Variants in CD59 observed in about 807,000 individuals in gnomAD.
CD59 encodes CD59 glycoprotein.
CD59 carries 3 observed loss-of-function variants against 7.0 expected under a neutral mutation model. The ratio of observed to expected loss-of-function variants is 0.43; its 90% CI spans 0.19 to 1.10. The LOEUF (loss-of-function observed/expected upper bound fraction) is 1.10, where lower values mean the gene tolerates loss of function less well. Ranked by LOEUF, CD59 falls within the 50% of genes least tolerant of loss-of-function variation. The pLI is 0.29. For missense variants in CD59, 143 were observed against 151.0 expected (o/e 0.95, Z 0.28); for synonymous variants, 60 against 62.0 (o/e 0.97, Z 0.15).
chr11:33,719,172 G>A (rs1853936990), intron 2 of CD59: 1 of 152,224 alleles, frequency 6.6e-6, no homozygotes, highest in Non-Finnish European at 1.5e-5. Flanking sequence ...GAAGCAAGGT[G>A]GGTCCTCACT....
chr11:33,732,240 T>G (rs1232596746), intron 1 of CD59, among the ~76,000 whole-genome samples: 1 of 151,962 alleles, frequency 6.6e-6, no homozygotes, highest in Non-Finnish European at 1.5e-5. Context: ...TGTTGAATTT[T>G]AATCCCCAGT....
At chr11:33,728,975 C>T (rs1370613370) in intron 1 of CD59, among the ~76,000 whole-genome samples, 1 of 152,222 alleles carries the variant, frequency 6.6e-6, no homozygotes, top group Non-Finnish European at 1.5e-5. Context: ...GATACCATCT[C>T]ACACCAGTTA....
At chr11:33,732,755 T>C (rs962285109) in intron 1 of CD59, among the ~76,000 whole-genome samples, 1 of 152,168 alleles carries the variant, frequency 6.6e-6, no homozygotes, top group Non-Finnish European at 1.5e-5. Context: ...GAGAACTAAT[T>C]TATGCAACTA....
rs1459523780 is a variant in CD59, at chr11:33,703,157, A to T, written c.*6969T>A. 1 of 152,230 alleles carries T rather than the reference A, an allele frequency of 6.6e-6. No homozygotes were observed. Among genetic ancestry groups the T allele is most frequent in the Non-Finnish European group, 1.5e-5 (1 of 68,052 alleles). The allele number at this position is 152,230 out of a possible 1,614,324, so 9.4% of individuals were successfully genotyped here. A position where few individuals can be genotyped will look rare whatever the true frequency, so the allele number is the denominator to read the frequency against. On this transcript the variant is annotated 3_prime_UTR_variant, in exon 4 of 4. Transcript: ENST00000642928. ...AAACAGATTTTACTCTGGATGGCTT[A>T]ATTATAACATAATCCATGAAGTTAT...
intron 3 of CD59, among the ~76,000 whole-genome samples, chr11:33,711,886 T>G (rs775883297): frequency 1.3e-5 from 2 of 152,162 alleles, no homozygotes; most frequent in African/African-American, 4.8e-5. Flanking sequence ...TGGAAAAAAT[T>G]GGAACCCTCA....
chr11:33,727,092 G>C (rs187422553), intron 1 of CD59, among the ~76,000 whole-genome samples: 1 of 152,094 alleles, frequency 6.6e-6, no homozygotes, highest in Non-Finnish European at 1.5e-5. Flanking sequence ...TTCTACCAGA[G>C]GTACAAAGAG....
At chr11:33,713,006 C>T (rs1853632120) in intron 3 of CD59, among the ~76,000 whole-genome samples, 2 of 151,928 alleles carry the variant, frequency 1.3e-5, no homozygotes, top group Admixed American at 1.3e-4. Context: ...ATATTTGAAA[C>T]TTCATTTTAA....
chr11:33,711,118 G>A (rs1423384736), intron 3 of CD59, among the ~76,000 whole-genome samples: 1 of 151,670 alleles, frequency 6.6e-6, no homozygotes, highest in African/African-American at 2.4e-5. Flanking sequence ...TGCTTCAAAG[G>A]ACATTATCAA....
rs1854570124 is a variant in CD59, at chr11:33,736,194, C to A, written c.-19+188G>T. 6.6e-6 allele frequency among the ~76,000 whole-genome samples: 1 copy of A among 152,182 alleles called. No individual in the cohort carries two copies. Among genetic ancestry groups the A allele is most frequent in the Non-Finnish European group, 1.5e-5 (1 of 68,030 alleles). ...TTCCTCGTAGATAAAATGAAGCCAG[C>A]GTTCGGCTAGGACACCGGGCCGCGG... On this transcript the variant is annotated intron_variant, in intron 1 of 3. Coordinates refer to ENST00000642928, the MANE Select transcript of CD59 (RefSeq NM_000611.6). This position sits in a 1 kb window ranked among gnomAD's most constrained non-coding sequence, Gnocchi z 4.4.
At chr11:33,722,291 AG>A in intron 2 of CD59, 87 bp downstream of exon 2, 1 of 970,108 alleles carries the variant, frequency 1.0e-6, no homozygotes. Flanking sequence ...CCAGGCCTGG[AG>A]GAGCAGCTGG....
At chr11:33,711,434 C>T (rs756012741) in intron 3 of CD59, 1 of 700,740 alleles carries the variant, frequency 1.4e-6, no homozygotes, top group South Asian at 1.5e-5. Flanking sequence ...CACCTGTAAT[C>T]CCAGCACTTT....
At position 33,709,644 on chromosome 11, in the gene CD59, AC is replaced by A. The variant is rs1253391489; in HGVS notation, c.*481del. The A allele has an allele frequency of 4.6e-6, 1 of 217,460 alleles. No individual in the cohort carries two copies. The highest frequency in any genetic ancestry group is 2.3e-5 in the African/African-American group (1 of 43,578). The allele number at this position is 217,460 out of a possible 1,614,324, so 13.5% of individuals were successfully genotyped here. On this transcript the variant is annotated 3_prime_UTR_variant, in exon 4 of 4. Transcript: ENST00000642928. Reference sequence around the variant, plus strand: ...AAGGATCTTGTTGTCCCTGACTGACACCCACATATGGAACATTTGGCATGCC... The same window carrying A: ...AAGGATCTTGTTGTCCCTGACTGACACCACATATGGAACATTTGGCATGCC...
Position 33,710,078 on chromosome 11 carries a change from G to A in CD59, c.*48C>T, listed in dbSNP as rs12136. On this transcript the variant is annotated 3_prime_UTR_variant, in exon 4 of 4. Transcript: ENST00000642928. ...TTAGAATGTGGCAGCAAGAGAAAGCGGACTACGCAGGAACGGGGAGTTTGG... is the reference window on the plus strand; with the variant it reads ...TTAGAATGTGGCAGCAAGAGAAAGCAGACTACGCAGGAACGGGGAGTTTGG... 3,961 of 1,354,546 alleles carry A rather than the reference G, an allele frequency of 2.9e-3. 14 individuals are homozygous for A. The highest frequency in any genetic ancestry group is 3.1e-3 in the Non-Finnish European group (2,976 of 956,224). The allele number at this position is 1,354,546 out of a possible 1,614,324, so 83.9% of individuals were successfully genotyped here.
At chr11:33,728,758 T>C (rs1854330493) in intron 1 of CD59, among the ~76,000 whole-genome samples, 2 of 152,184 alleles carry the variant, frequency 1.3e-5, no homozygotes, top group African/African-American at 4.8e-5. Context: ...GAGAAAATGT[T>C]TGCAATCTAT....
At chr11:33,729,864 A>G (rs1269030375) in intron 1 of CD59, among the ~76,000 whole-genome samples, 1 of 152,132 alleles carries the variant, frequency 6.6e-6, no homozygotes, top group Non-Finnish European at 1.5e-5. Flanking sequence ...CCAAATATCA[A>G]TTAAATATAT....
chr11:33,723,417 T>C (rs879509499), intron 1 of CD59, among the ~76,000 whole-genome samples: 2 of 152,174 alleles, frequency 1.3e-5, no homozygotes, highest in Non-Finnish European at 2.9e-5. Context: ...ATCTGCTACT[T>C]AGGAATTTGC....
intron 1 of CD59, among the ~76,000 whole-genome samples, chr11:33,724,852 G>A (rs1432849701): frequency 6.6e-6 from 1 of 152,170 alleles, no homozygotes; most frequent in Non-Finnish European, 1.5e-5. Context: ...AGCAGAGAAA[G>A]GAAGTAGCTA....
At chr11:33,713,311 A>G (rs1005345030) in intron 3 of CD59, among the ~76,000 whole-genome samples, 1 of 152,206 alleles carries the variant, frequency 6.6e-6, no homozygotes, top group African/African-American at 2.4e-5. Flanking sequence ...GTGGTTTCTT[A>G]TCTTCTGTGC....
At chr11:33,722,898 G>A (rs953112889) in intron 1 of CD59, 52 of 1,046,322 alleles carry the variant, frequency 5.0e-5, no homozygotes, top group Middle Eastern at 4.4e-4. Flanking sequence ...GTGGAACAGG[G>A]AGCAATGGCT....
Sources: gnomAD v4.1 joint callset for allele counts (sites outside exome capture counted in the v4.1 genomes callset) on GRCh38, gnomAD v4.1.1 for gene constraint, Gnocchi (gnomAD v3.1) non-coding constraint, MANE v1.5 for transcripts, NCBI Gene and HGNC (gene_info 2026-07-23, HGNC 2026-07-21) for gene names.